The following XDH variants were observed in gnomAD, a reference collection of about 807,000 sequenced individuals.
XDH encodes the protein xanthine dehydrogenase/oxidase.
Under a neutral mutation model 156.1 loss-of-function variants are expected in XDH, and 138 were observed. The ratio of observed to expected loss-of-function variants is 0.88; its 90% CI spans 0.77 to 1.02. The LOEUF (loss-of-function observed/expected upper bound fraction) is 1.02. XDH is among the 50% of genes least tolerant of loss of function. The pLI, the probability that XDH is intolerant of heterozygous loss-of-function variation, is 0.00. For synonymous variants in XDH, 669 were observed against 625.7 expected (o/e 1.07, Z -1.03); for missense variants, 1,849 against 1,684.9 (o/e 1.10, Z -1.71).
rs1334411322 is a variant in XDH, at chr2:31,403,108, C to T, written c.137G>A (p.Gly46Glu). 1 of 1,614,198 alleles carries T rather than the reference C, an allele frequency of 6.2e-7. No individual in the cohort carries two copies. The highest frequency in any genetic ancestry group is 2.2e-5 in the East Asian group (1 of 44,856). The stretch of plus-strand genomic sequence containing the variant: ...CATCACTGTGCAAGCCCCGCAGCCC[C>T]CCTCTCCACAGCCGAGCTTGGTTCC... ...LSGTKLGCGE[G>E]GCGACTVMLS... The change falls in exon 3 of 36, where the codon GGG (glycine) becomes GAG (glutamate). Residue 46 changes from glycine to glutamate, a missense_variant. Gly to Glu is a moderately conservative substitution (Grantham distance 98, BLOSUM62 -2). Transcript: ENST00000379416.
Position 31,368,563 on chromosome 2 carries a change from A to T in XDH, c.2078T>A (p.Leu693Gln). 1 of 1,614,152 alleles carries T rather than the reference A, an allele frequency of 6.2e-7. No homozygotes were observed. Among genetic ancestry groups the T allele is most frequent in the Non-Finnish European group, 8.5e-7 (1 of 1,180,038 alleles). Residue 693 changes from leucine to glutamine, a missense_variant, in exon 19 of 36, where the codon CTA becomes CAA. By Grantham distance (113) the Leu-to-Gln change is moderately radical. Transcript: ENST00000379416. ...TACCTCAATTGTGATAATGGCTGGT[A>T]GTTCTTCATAGGTGATTTTCACCCC... is the stretch of plus-strand genomic sequence containing the variant. ...AQGVKITYEE[L>Q]PAIITIEDAI...
Position 31,366,919 on chromosome 2 carries a change from G to C in XDH, c.2273C>G (p.Ala758Gly). ...AGACACAAAGAGCTCCATCTCCCCT[G>C]CCTCGCCTTTTGGAACAGCAATGGT... Reference protein sequence around the residue: ...HCTIAVPKGEAGEMELFVSTQ... With the variant: ...HCTIAVPKGEGGEMELFVSTQ... The change falls in exon 21 of 36, where the codon GCA becomes GGA. Residue 758 changes from alanine (A) to glycine (G), a missense_variant. Transcript: ENST00000379416. 1 of 1,614,206 alleles carries C rather than the reference G, an allele frequency of 6.2e-7. No individual in the cohort carries two copies. The highest frequency in any genetic ancestry group is 8.5e-7 in the Non-Finnish European group (1 of 1,180,036).
intron 32 of XDH, 125 bp from the exon 33 acceptor site, chr2:31,341,519 C>T (rs1426718847): frequency 1.0e-6 from 1 of 978,646 alleles, no homozygotes; most frequent in Non-Finnish European, 1.6e-6. Context: ...AGCAGAAAGC[C>T]CTGGGTGTGC....
chr2:31,387,999 C>A, intron 7 of XDH, 102 bp from the exon 8 acceptor site: 1 of 1,349,310 alleles, frequency 7.4e-7, no homozygotes, highest in Non-Finnish European at 1.0e-6. Context: ...TTCCCAGCCC[C>A]CTGCAGGCTG....
intron 24 of XDH, among the ~76,000 whole-genome samples, chr2:31,351,238 T>C (rs1315594208): frequency 6.6e-6 from 1 of 152,224 alleles, no homozygotes; most frequent in East Asian, 1.9e-4. Flanking sequence ...ACATTACAAT[T>C]TCTTCTCTCT....
intron 35 of XDH, among the ~76,000 whole-genome samples, chr2:31,336,369 G>A (rs577346071): frequency 2.0e-5 from 3 of 152,112 alleles, no homozygotes; most frequent in Non-Finnish European, 2.9e-5. Context: ...ACATAGAAAC[G>A]GATCTTTGTT....
chr2:31,379,817 G>T, intron 13 of XDH, 50 bp downstream of exon 13: 1 of 1,557,998 alleles, frequency 6.4e-7, no homozygotes, highest in Non-Finnish European at 8.9e-7. Context: ...TCTAGAGCCT[G>T]GCAATAGGAC....
intron 13 of XDH, among the ~76,000 whole-genome samples, chr2:31,378,590 G>A (rs1204304981): frequency 1.3e-5 from 2 of 152,104 alleles, no homozygotes; most frequent in Non-Finnish European, 2.9e-5. Flanking sequence ...CTGGGGCACT[G>A]AGCCCAGAGT....
intron 21 of XDH, 28 bp from the exon 22 acceptor site, chr2:31,366,137 C>T: frequency 6.2e-7 from 1 of 1,614,252 alleles, no homozygotes; most frequent in Non-Finnish European, 8.5e-7. Flanking sequence ...AACATTCGCA[C>T]TGAATGCATT....
intron 26 of XDH, 75 bp from the exon 27 acceptor site, chr2:31,349,055 C>G: frequency 7.2e-7 from 1 of 1,396,466 alleles, no homozygotes; most frequent in Non-Finnish European, 1.0e-6. Context: ...ATGTTCACAT[C>G]AAAACAGGAC....
intron 34 of XDH, 58 bp from the exon 35 acceptor site, chr2:31,337,875 A>G: frequency 6.3e-7 from 1 of 1,586,482 alleles, no homozygotes; most frequent in East Asian, 2.3e-5. Flanking sequence ...CCTCCACATC[A>G]TCAAGTGGAC....
At chr2:31,349,211 G>A (rs577739424) in intron 26 of XDH, among the ~76,000 whole-genome samples, 122 of 152,200 alleles carry the variant, frequency 8.0e-4, no homozygotes, top group African/African-American at 2.8e-3. Context: ...ATCTCCAGGA[G>A]GCACTGTGCC....
chr2:31,378,927 A>G (rs1448033366), intron 13 of XDH, among the ~76,000 whole-genome samples: 1 of 152,210 alleles, frequency 6.6e-6, no homozygotes, highest in African/African-American at 2.4e-5. Context: ...TATACAGACA[A>G]GCTAGAAAAC....
rs201194179 is a variant in XDH, at chr2:31,386,509, C to T, written c.698G>A (p.Arg233His). 9.9e-6 allele frequency: 16 copies of T among 1,614,126 alleles called. No individual in the cohort carries two copies. Among genetic ancestry groups the T allele is most frequent in the Middle Eastern group, 1.7e-4 (1 of 6,058 alleles). Residue 233 changes from arginine to histidine, a missense_variant, in exon 9 of 36, where the codon CGT becomes CAT. Transcript: ENST00000379416. ...GGTTGAGGCCTGTATCCACGTCACACGCTCCCCTTCAAATCGCAGCTGCTT... is the reference window on the plus strand; with the variant it reads ...GGTTGAGGCCTGTATCCACGTCACATGCTCCCCTTCAAATCGCAGCTGCTT... ...PRKQLRFEGERVTWIQASTLK... is the reference protein window; with the variant it reads ...PRKQLRFEGEHVTWIQASTLK...
intron 6 of XDH, among the ~76,000 whole-genome samples, chr2:31,392,195 C>T (rs206853): frequency 0.042 from 6,408 of 151,150 alleles, 238 homozygotes; most frequent in African/African-American, 0.096. Context: ...TCTTTTTTTT[C>T]TTAGTTAGCC....
At chr2:31,383,245 G>C (rs561687493) in intron 10 of XDH, 93 bp from the exon 11 acceptor site, 2 of 1,589,084 alleles carry the variant, frequency 1.3e-6, no homozygotes, top group Non-Finnish European at 1.7e-6. Context: ...AGCAACTGGA[G>C]CAAGGCTGAA....
chr2:31,373,876 G>A lies in XDH; in HGVS notation c.1683C>T (p.Phe561=), dbSNP rs944974814. The A allele has an allele frequency of 8.1e-6, 13 of 1,613,788 alleles. No homozygotes were observed. The highest frequency in any genetic ancestry group is 1.1e-5 in the Non-Finnish European group (13 of 1,179,782). Residue 561 remains phenylalanine (F), a synonymous_variant, in exon 16 of 36, where the codon TTC becomes TTT. Coordinates refer to ENST00000379416, the MANE Select transcript of XDH (RefSeq NM_000379.4). ...GCCATACACTGACCGTACTCACTTG[G>A]AAGAGCTGGACATCGGCTGGGGGGT... ...QKDPPADVQL[F]QEVPKGQSEE...
rs1685410786 is a variant in XDH at position 31,349,780 on chromosome 2, T to A, written c.2875A>T (p.Lys959Ter). 3.7e-6 allele frequency: 6 copies of A among 1,614,140 alleles called. No homozygotes were observed. Among genetic ancestry groups the A allele is most frequent in the Non-Finnish European group, 5.1e-6 (6 of 1,180,026 alleles). Residue 959 changes from lysine to a stop codon, truncating the protein, a stop_gained, in exon 26 of 36, where the codon AAG becomes TAG. Coordinates refer to ENST00000379416, the MANE Select transcript of XDH (RefSeq NM_000379.4). LOFTEE classifies it high-confidence loss of function. The part of the protein sequence containing the change: ...KEGDLTHFNQ[K>*]LEGFTLPRCW... ...CTGGGCAAGGTGAAACCCTCAAGCT[T>A]CTGGTTGAAGTGTGTCAGGTCCCCT...
In XDH at chr2:31,372,342, A is replaced by G. The variant is rs755038328; in HGVS notation, c.1742T>C (p.Leu581Pro). ...EDMVGRPLPHLAADMQASGEA... is the reference protein window; with the variant it reads ...EDMVGRPLPHPAADMQASGEA... The stretch of plus-strand genomic sequence containing the variant: ...ACCAGAGGCCTGCATGTCCGCTGCC[A>G]GGTGGGGCAGGGGCCGGCCCACCAT... Residue 581 changes from leucine to proline, a missense_variant, in exon 17 of 36, where the codon CTG becomes CCG. Physicochemically the swap from Leu to Pro is moderately conservative, Grantham distance 98 (BLOSUM62 -3). Transcript: ENST00000379416. 1 of 1,614,186 alleles carries G rather than the reference A, an allele frequency of 6.2e-7. No individual in the cohort carries two copies. The highest frequency in any genetic ancestry group is 8.5e-7 in the Non-Finnish European group (1 of 1,180,050).
Sources: allele counts gnomAD v4.1 joint callset (sites outside exome capture counted in the v4.1 genomes callset), GRCh38; gene constraint gnomAD v4.1.1; transcripts MANE v1.5; gene names NCBI Gene and HGNC (gene_info 2026-07-23, HGNC 2026-07-21).